PTPRR: variants seen among roughly 807,000 people sequenced by gnomAD.
The protein encoded by PTPRR is receptor-type tyrosine-protein phosphatase R.
In PTPRR, 38 loss-of-function variants were observed where a neutral mutation model predicts 77.2. The ratio of observed to expected loss-of-function variants is 0.49; its 90% CI spans 0.38 to 0.65. The LOEUF is 0.65. Ranked by LOEUF, PTPRR falls within the 30% of genes least tolerant of loss-of-function variation. The pLI is 0.00. For synonymous variants in PTPRR, 299 were observed against 283.1 expected (o/e 1.06, Z -0.57); for missense variants, 744 against 799.2 (o/e 0.93, Z 0.83).
At chr12:70,687,454 T>C (rs1425879555) in intron 8 of PTPRR, among the ~76,000 whole-genome samples, 2 of 151,950 alleles carry the variant, frequency 1.3e-5, no homozygotes, top group African/African-American at 4.8e-5. Flanking sequence ...GATTGACTTG[T>C]GAAGACCAAG....
chr12:70,873,216 T>G (rs542197934), intron 2 of PTPRR, among the ~76,000 whole-genome samples: 1 of 152,240 alleles, frequency 6.6e-6, no homozygotes, highest in African/African-American at 2.4e-5. Flanking sequence ...ACTGAAATGA[T>G]CAAGACTTCA....
intron 2 of PTPRR, among the ~76,000 whole-genome samples, chr12:70,819,363 G>T (rs1241291716): frequency 6.6e-6 from 1 of 152,162 alleles, no homozygotes; most frequent in Non-Finnish European, 1.5e-5. Context: ...GCTCATAGAG[G>T]TATGGTCAAA....
At chr12:70,752,543 T>C (rs12826262) in intron 5 of PTPRR, among the ~76,000 whole-genome samples, 12,522 of 152,164 alleles carry the variant, frequency 0.082, 607 homozygotes, top group African/African-American at 0.13. Flanking sequence ...TGAAACACAT[T>C]CTATATGTTA....
intron 2 of PTPRR, among the ~76,000 whole-genome samples, chr12:70,815,914 A>G (rs1250699580): frequency 1.3e-5 from 2 of 152,178 alleles, no homozygotes; most frequent in East Asian, 1.9e-4. Context: ...CAAGTGTTTG[A>G]CAGACACATA....
In PTPRR at chr12:70,660,961, C is replaced by T. The variant is rs745575092; in HGVS notation, c.1745G>A (p.Gly582Glu). ...TTACCTGCAGTGGACAACCACAGGCCCTCGGCCCTGGGAAGCAAGTCTGTC... is the reference window on the plus strand; with the variant it reads ...TTACCTGCAGTGGACAACCACAGGCTCTCGGCCCTGGGAAGCAAGTCTGTC... Reference protein sequence around the residue: ...EEDRLASQGRGPVVVHCSAGI... With the variant: ...EEDRLASQGREPVVVHCSAGI... Residue 582 changes from glycine to glutamate, a missense_variant, in exon 12 of 14, where the codon GGG becomes GAG. Gly to Glu is a moderately conservative substitution (Grantham distance 98). Around this residue, in one of 3 missense-constraint regions of PTPRR, gnomAD observed 170 missense variants for 209.8 expected, o/e 0.81. Coordinates refer to ENST00000283228, the MANE Select transcript of PTPRR (RefSeq NM_002849.4). 2 of 1,613,580 alleles carry T rather than the reference C, an allele frequency of 1.2e-6. No individual in the cohort carries two copies. Among genetic ancestry groups the T allele is most frequent in the Admixed American group, 3.3e-5 (2 of 59,984 alleles).
chr12:70,913,077 G>A (rs369936089), intron 1 of PTPRR, among the ~76,000 whole-genome samples: 6 of 151,982 alleles, frequency 3.9e-5, no homozygotes, highest in African/African-American at 9.7e-5. Context: ...TATAACATCC[G>A]TGTTATCTCT....
chr12:70,644,376 T>C (rs1223349166), intron 13 of PTPRR, among the ~76,000 whole-genome samples: 1 of 152,160 alleles, frequency 6.6e-6, no homozygotes, highest in Non-Finnish European at 1.5e-5. Context: ...GAACCCCAGC[T>C]AGCTGAGAGA....
intron 12 of PTPRR, among the ~76,000 whole-genome samples, chr12:70,659,917 T>C (rs970347663): frequency 1.3e-5 from 2 of 152,020 alleles, no homozygotes; most frequent in African/African-American, 4.8e-5. Context: ...CTCACACTTG[T>C]AATCCCAGCA....
chr12:70,720,590 C>A (rs184786901), intron 6 of PTPRR, among the ~76,000 whole-genome samples: 1 of 150,722 alleles, frequency 6.6e-6, no homozygotes, highest in Non-Finnish European at 1.5e-5. Flanking sequence ...CAGCTCACTG[C>A]AACCTCCAAC....
chr12:70,787,117 C>G (rs527564792), intron 2 of PTPRR, among the ~76,000 whole-genome samples: 66 of 152,152 alleles, frequency 4.3e-4, no homozygotes, highest in Non-Finnish European at 7.8e-4. Flanking sequence ...AACTTTGATG[C>G]ACAACATGAC....
At chr12:70,844,984 AT>A (rs1892459771) in intron 2 of PTPRR, among the ~76,000 whole-genome samples, 1 of 152,224 alleles carries the variant, frequency 6.6e-6, no homozygotes, top group African/African-American at 2.4e-5. Flanking sequence ...TTGTAAATAC[AT>A]AAAAAGAATG....
chr12:70,737,793 G>A (rs1462971327), intron 6 of PTPRR, among the ~76,000 whole-genome samples: 1 of 152,160 alleles, frequency 6.6e-6, no homozygotes, highest in Non-Finnish European at 1.5e-5. Flanking sequence ...AAAATGCTGG[G>A]ATTACAGGCG....
chr12:70,867,282 T>C (rs917197613), intron 2 of PTPRR, among the ~76,000 whole-genome samples: 1 of 151,910 alleles, frequency 6.6e-6, no homozygotes, highest in African/African-American at 2.4e-5. Context: ...ATTGTATATC[T>C]AGAAAACCCC....
chr12:70,917,436 A>T (rs1246164448), intron 1 of PTPRR, among the ~76,000 whole-genome samples: 1 of 152,096 alleles, frequency 6.6e-6, no homozygotes, highest in African/African-American at 2.4e-5. Flanking sequence ...TCATTTTCTC[A>T]CCTGTAAAAT....
At chr12:70,784,621 C>G (rs1337974063) in intron 2 of PTPRR, among the ~76,000 whole-genome samples, 1 of 152,182 alleles carries the variant, frequency 6.6e-6, no homozygotes, top group Non-Finnish European at 1.5e-5. Flanking sequence ...TGGCAGCAGC[C>G]GCACCAGATG....
intron 2 of PTPRR, among the ~76,000 whole-genome samples, chr12:70,785,292 T>C (rs1891298341): frequency 6.6e-6 from 1 of 151,758 alleles, no homozygotes; most frequent in African/African-American, 2.4e-5. Flanking sequence ...TCTCTTATCC[T>C]ACTCATTTGA....
At chr12:70,911,923 A>C (rs986133401) in intron 1 of PTPRR, among the ~76,000 whole-genome samples, 6 of 152,178 alleles carry the variant, frequency 3.9e-5, no homozygotes, top group Non-Finnish European at 8.8e-5. Flanking sequence ...ACTCTCTAAG[A>C]CTGCAAGTTT....
chr12:70,689,053 T>C (rs2136748859), intron 8 of PTPRR, among the ~76,000 whole-genome samples: 1 of 151,986 alleles, frequency 6.6e-6, no homozygotes, highest in South Asian at 2.1e-4. Context: ...AAAGGGGAGA[T>C]GGTGGTCAAA....
chr12:70,706,694 C>CA (rs1298077970), intron 6 of PTPRR, among the ~76,000 whole-genome samples: 2 of 151,800 alleles, frequency 1.3e-5, no homozygotes, highest in Non-Finnish European at 2.9e-5. Flanking sequence ...CCTTATTTTA[C>CA]AAAAAAAATT....
Sources: gnomAD v4.1 joint callset for allele counts (sites outside exome capture counted in the v4.1 genomes callset) on GRCh38, gnomAD v4.1.1 for gene constraint, gnomAD v4.1.1 regional missense constraint, MANE v1.5 for transcripts, NCBI Gene and HGNC (gene_info 2026-07-23, HGNC 2026-07-21) for gene names.